Variants in GREB1L observed in about 807,000 individuals in gnomAD.
GREB1L encodes GREB1-like protein.
GREB1L carries 17 observed loss-of-function variants against 200.8 expected under a neutral mutation model. That is an observed-to-expected ratio of 0.08 (90% CI 0.06 to 0.13). The LOEUF (loss-of-function observed/expected upper bound fraction) is 0.13, where lower values mean the gene tolerates loss of function less well. Among genes scored for constraint, GREB1L ranks in the 10% least tolerant of loss-of-function variants. The pLI, the probability that GREB1L is intolerant of heterozygous loss-of-function variation, is 1.00. For synonymous variants in GREB1L, 789 were observed against 893.0 expected, an observed-to-expected ratio of 0.88 and a Z score of 2.08; for missense variants, 1,657 against 2,367.7, an observed-to-expected ratio of 0.70 and a Z score of 6.23.
At chr18:21,420,761 T>A (rs1250070883) in intron 7 of GREB1L, among the ~76,000 whole-genome samples, 1 of 152,220 alleles carries the variant, frequency 6.6e-6, no homozygotes, top group Non-Finnish European at 1.5e-5. Context: ...ACCAGCCATA[T>A]GGTCTAGCCA....
intron 15 of GREB1L, among the ~76,000 whole-genome samples, chr18:21,470,107 A>G (rs558503335): frequency 2.0e-5 from 3 of 152,012 alleles, no homozygotes; most frequent in Non-Finnish European, 4.4e-5. Flanking sequence ...CAACATAGTG[A>G]GACCCCCATT....
intron 17 of GREB1L, among the ~76,000 whole-genome samples, chr18:21,481,390 T>C (rs2035906579): frequency 6.6e-6 from 1 of 151,888 alleles, no homozygotes; most frequent in Non-Finnish European, 1.5e-5. Flanking sequence ...TAGCAAAGTT[T>C]ATACTTATTA....
intron 1 of GREB1L, among the ~76,000 whole-genome samples, chr18:21,245,658 T>G (rs1358580909): frequency 1.3e-5 from 2 of 152,208 alleles, no homozygotes; most frequent in Non-Finnish European, 2.9e-5. Flanking sequence ...GCCTTCCTGT[T>G]TTTGATTTTG....
chr18:21,359,243 A>T (rs1447819133), intron 1 of GREB1L, among the ~76,000 whole-genome samples: 2 of 152,208 alleles, frequency 1.3e-5, no homozygotes, highest in East Asian at 3.8e-4. Context: ...TGAGGTCAGG[A>T]GTTCGAGACC....
chr18:21,422,726 G>A (rs547629442), intron 7 of GREB1L, among the ~76,000 whole-genome samples: 1 of 152,204 alleles, frequency 6.6e-6, no homozygotes, highest in African/African-American at 2.4e-5. Context: ...AAACAATGTA[G>A]CAATGAATAA....
At chr18:21,374,426 A>C (rs1440670980) in intron 2 of GREB1L, among the ~76,000 whole-genome samples, 1 of 152,226 alleles carries the variant, frequency 6.6e-6, no homozygotes, top group African/African-American at 2.4e-5. Context: ...TCAGTGTGGA[A>C]GGCATTAGGC....
intron 4 of GREB1L, among the ~76,000 whole-genome samples, chr18:21,392,158 G>A (rs2040848310): frequency 6.6e-6 from 1 of 152,216 alleles, no homozygotes; most frequent in Non-Finnish European, 1.5e-5. Context: ...TGCTGTACAA[G>A]AAAGATTATC....
chr18:21,434,585 A>ATATATG (rs2033418799), intron 7 of GREB1L, among the ~76,000 whole-genome samples: 1 of 115,998 alleles, frequency 8.6e-6, no homozygotes, highest in Admixed American at 9.9e-5. Flanking sequence ...ATATATATAT[A>ATATATG]TATATGGCTT....
At chr18:21,261,886 C>T (rs1011185678) in intron 1 of GREB1L, among the ~76,000 whole-genome samples, 1 of 151,782 alleles carries the variant, frequency 6.6e-6, no homozygotes, top group African/African-American at 2.4e-5. Flanking sequence ...TTTCTAAATA[C>T]CTTTATTTTA....
chr18:21,356,327 A>G (rs1278407406), intron 1 of GREB1L, among the ~76,000 whole-genome samples: 1 of 151,926 alleles, frequency 6.6e-6, no homozygotes, highest in Non-Finnish European at 1.5e-5. Flanking sequence ...CAACATCTCA[A>G]CCTATTCCCA....
At chr18:21,408,901 A>G (rs1409414610) in intron 7 of GREB1L, among the ~76,000 whole-genome samples, 1 of 152,154 alleles carries the variant, frequency 6.6e-6, no homozygotes, top group Non-Finnish European at 1.5e-5. Flanking sequence ...AGTGGGAACC[A>G]TTATACACCA....
chr18:21,384,480 T>A, intron 4 of GREB1L, 77 bp downstream of exon 4: 1 of 1,146,396 alleles, frequency 8.7e-7, no homozygotes, highest in Non-Finnish European at 1.2e-6. Flanking sequence ...TTACATGAGG[T>A]GCTCAAGGCT....
rs769510928 is a variant in GREB1L, at chr18:21,508,599, GC to G, written c.4735+14del. The G allele has an allele frequency of 2.6e-6, 4 of 1,550,526 alleles. No homozygotes were observed. The highest frequency in any genetic ancestry group is 3.5e-6 in the Non-Finnish European group (4 of 1,146,686). ...TCAATAATGCAGGCGTGGGTAAGGG[GC>G]CCCCCTGGGATGGGGAGAAGGGCTT... On this transcript the variant is annotated intron_variant, in intron 27 of 32. Transcript: ENST00000424526.
chr18:21,431,919 C>CTTTT (rs773523492), intron 7 of GREB1L, among the ~76,000 whole-genome samples: 553 of 91,042 alleles, frequency 6.1e-3, no homozygotes, highest in African/African-American at 0.011. Context: ...CTTTTCTTTT[C>CTTTT]TTTTTTTTTT....
In GREB1L at chr18:21,309,273, A is replaced by G. The variant is rs1349868450; in HGVS notation, c.-119-56754A>G. On this transcript the variant is annotated intron_variant, in intron 1 of 32. Coordinates refer to ENST00000424526, the MANE Select transcript of GREB1L (RefSeq NM_001142966.3). Reference sequence around the variant, plus strand: ...AACCTTAGGCTGTAGACTTTTCCCTACATGGCTGTCAATGCCTGCTAACCC... The same window carrying G: ...AACCTTAGGCTGTAGACTTTTCCCTGCATGGCTGTCAATGCCTGCTAACCC... 2.0e-5 allele frequency among the ~76,000 whole-genome samples: 3 copies of G among 152,226 alleles called. No individual in the cohort carries two copies. The East Asian group carries it at 5.8e-4, about 29-fold the overall frequency.
chr18:21,386,150 A>G (rs2040528369), intron 4 of GREB1L, among the ~76,000 whole-genome samples: 1 of 152,204 alleles, frequency 6.6e-6, no homozygotes, highest in Admixed American at 6.5e-5. Context: ...ATTCAAAAAC[A>G]CTAGTCCTAC....
At chr18:21,413,014 A>G (rs895020708) in intron 7 of GREB1L, among the ~76,000 whole-genome samples, 1 of 152,084 alleles carries the variant, frequency 6.6e-6, no homozygotes, top group Non-Finnish European at 1.5e-5. Context: ...TGTCATAGTA[A>G]TCTCTCATAG....
At chr18:21,488,118 A>C (rs2036196605) in intron 18 of GREB1L, among the ~76,000 whole-genome samples, 1 of 152,072 alleles carries the variant, frequency 6.6e-6, no homozygotes, top group Admixed American at 6.6e-5. Flanking sequence ...CAGCCTGATC[A>C]ACATGGAGAA....
intron 16 of GREB1L, 132 bp downstream of exon 16, chr18:21,473,343 G>T: frequency 1.8e-6 from 1 of 556,608 alleles, no homozygotes; most frequent in Non-Finnish European, 2.9e-6. Context: ...GCTGAGGCGG[G>T]TGGATCACTT....
Sources: allele counts gnomAD v4.1 joint callset (sites outside exome capture counted in the v4.1 genomes callset), GRCh38; gene constraint gnomAD v4.1.1; transcripts MANE v1.5; gene names NCBI Gene and HGNC (gene_info 2026-07-23, HGNC 2026-07-21).